Variants in FRAS1 observed in about 807,000 individuals in gnomAD.
FRAS1 encodes the protein Fraser extracellular matrix complex subunit 1, also known as extracellular matrix organizing protein FRAS1.
In FRAS1, 290 loss-of-function variants were observed where a neutral mutation model predicts 435.2. The ratio of observed to expected loss-of-function variants is 0.67; its 90% CI spans 0.61 to 0.73. The LOEUF (loss-of-function observed/expected upper bound fraction) is 0.73. FRAS1 is among the 30% of genes least tolerant of loss of function. The pLI is 0.00. For synonymous variants in FRAS1, 1,800 were observed against 1,851.0 expected (o/e 0.97, Z 0.71); for missense variants, 4,860 against 5,001.5 (o/e 0.97, Z 0.85).
At chr4:78,324,837 G>C (rs1167893130) in intron 18 of FRAS1, among the ~76,000 whole-genome samples, 2 of 150,696 alleles carry the variant, frequency 1.3e-5, no homozygotes, top group African/African-American at 4.9e-5. Flanking sequence ...ACTGGGACTG[G>C]ATATGAACAT....
intron 2 of FRAS1, among the ~76,000 whole-genome samples, chr4:78,095,215 G>C (rs111791278): frequency 5.6e-4 from 85 of 152,332 alleles, no homozygotes; most frequent in Middle Eastern, 3.4e-3. Context: ...ACAGTAGCTA[G>C]ATCCTGGTTG....
chr4:78,511,350 T>TGG lies in FRAS1; in HGVS notation c.9860_9861dup (p.Thr3288GlyfsTer4). The TGG allele has an allele frequency of 6.2e-7, 1 of 1,613,824 alleles. No homozygotes were observed. The highest frequency in any genetic ancestry group is 8.5e-7 in the Non-Finnish European group (1 of 1,179,776). Reference sequence around the variant, plus strand: ...AAGGCTGTGGACAAGGTGGGCCATGTGGGGACCCCCTTAAGGAGCAACATT... The same window carrying TGG: ...AAGGCTGTGGACAAGGTGGGCCATGTGGGGGGACCCCCTTAAGGAGCAACATT... On this transcript the variant is annotated frameshift_variant, in exon 64 of 74. Transcript: ENST00000512123. LOFTEE classifies it high-confidence loss of function.
chr4:78,276,683 C>T (rs1727057377), intron 9 of FRAS1, among the ~76,000 whole-genome samples: 1 of 152,198 alleles, frequency 6.6e-6, no homozygotes, highest in Admixed American at 6.5e-5. Flanking sequence ...GAAGCTTTGT[C>T]TCAGAGGGGC....
chr4:78,333,130 A>T, intron 18 of FRAS1, 142 bp from the exon 19 acceptor site: 1 of 859,718 alleles, frequency 1.2e-6, no homozygotes, highest in Non-Finnish European at 1.7e-6. Flanking sequence ...GAAGTGTGTG[A>T]GATGTGCAGC....
At chr4:78,121,256 A>T (rs527751678) in intron 2 of FRAS1, among the ~76,000 whole-genome samples, 2 of 152,348 alleles carry the variant, frequency 1.3e-5, no homozygotes, top group South Asian at 4.1e-4. Context: ...CCTGCTCAAT[A>T]GCATAGGCTA....
Position 78,445,506 on chromosome 4 carries a change from C to G in FRAS1, c.5666-16C>G. 6.5e-7 allele frequency: 1 copy of G among 1,538,240 alleles called. No individual in the cohort carries two copies. Among genetic ancestry groups the G allele is most frequent in the Non-Finnish European group, 8.8e-7 (1 of 1,139,428 alleles). On this transcript the variant is annotated splice_polypyrimidine_tract_variant and intron_variant, in intron 41 of 73. Coordinates refer to ENST00000512123, the MANE Select transcript of FRAS1 (RefSeq NM_025074.7). ...TGATAGATCAAGGTAAAAATGCTCT[C>G]TTGATGTTGATGCAGGTGATCGTTT...
chr4:78,179,572 A>T (rs896520891), intron 2 of FRAS1, among the ~76,000 whole-genome samples: 1 of 152,206 alleles, frequency 6.6e-6, no homozygotes, highest in African/African-American at 2.4e-5. Context: ...ATCTCTATAA[A>T]CTTTGAATGT....
intron 26 of FRAS1, among the ~76,000 whole-genome samples, chr4:78,378,567 G>C (rs1457671053): frequency 6.6e-6 from 1 of 152,028 alleles, no homozygotes; most frequent in South Asian, 2.1e-4. Flanking sequence ...ATTTCTCCAC[G>C]ACCTAACAAT....
At chr4:78,538,390 T>C (rs891321706) in intron 72 of FRAS1, among the ~76,000 whole-genome samples, 2 of 152,164 alleles carry the variant, frequency 1.3e-5, no homozygotes, top group Non-Finnish European at 2.9e-5. Context: ...GGCTAGAATA[T>C]CCCACTTTTT....
At chr4:78,446,682 T>C (rs1718841039) in intron 42 of FRAS1, 45 bp from the exon 43 acceptor site, 2 of 1,580,140 alleles carry the variant, frequency 1.3e-6, no homozygotes, top group Admixed American at 2.0e-5. Flanking sequence ...ATTTTCTTTC[T>C]TCTTAAATAT....
At chr4:78,344,020 AC>A (rs1730503628) in intron 20 of FRAS1, among the ~76,000 whole-genome samples, 1 of 151,270 alleles carries the variant, frequency 6.6e-6, no homozygotes, top group Non-Finnish European at 1.5e-5. Context: ...ACCAAATCCT[AC>A]CCATCCATCC....
At chr4:78,206,932 T>C (rs780518397) in intron 2 of FRAS1, among the ~76,000 whole-genome samples, 1 of 152,214 alleles carries the variant, frequency 6.6e-6, no homozygotes, top group Non-Finnish European at 1.5e-5. Context: ...CCACAGGTGA[T>C]TGTGACCTTT....
Position 78,318,822 on chromosome 4 carries a change from C to G in FRAS1, c.1973C>G (p.Ser658Cys), listed in dbSNP as rs755831054. The change falls in exon 18 of 74, where the codon TCC becomes TGC. Residue 658 changes from serine (S) to cysteine (C), a missense_variant. By Grantham distance (112) the Ser-to-Cys change is moderately radical (BLOSUM62 -1). Coordinates refer to ENST00000512123, the MANE Select transcript of FRAS1 (RefSeq NM_025074.7). ...TTTCCATTTGCAGCCTGTCACTCCT[C>G]CTGCCTGGCTTGTATGGGTCCCGCA... ...DHGVCKACHS[S>C]CLACMGPAPS... The G allele has an allele frequency of 6.4e-7, 1 of 1,569,858 alleles. No individual in the cohort carries two copies. The highest frequency in any genetic ancestry group is 2.3e-5 in the East Asian group (1 of 43,986).
chr4:78,540,991 A>C lies in FRAS1; in HGVS notation c.11906A>C (p.His3969Pro). The C allele has an allele frequency of 1.2e-6, 2 of 1,605,322 alleles. No homozygotes were observed. The highest frequency in any genetic ancestry group is 1.7e-6 in the Non-Finnish European group (2 of 1,174,472). The change falls in exon 74 of 74, where the codon CAC becomes CCC. Residue 3969 changes from histidine to proline, a missense_variant. Coordinates refer to ENST00000512123, the MANE Select transcript of FRAS1 (RefSeq NM_025074.7). ...PDRVEKNVNRHYCTVRNVNIL... is the reference protein window; with the variant it reads ...PDRVEKNVNRPYCTVRNVNIL... ...CGGGTGGAGAAGAACGTGAATAGAC[A>C]CTACTGCACTGTGCGGAACGTCAAC... is the stretch of plus-strand genomic sequence containing the variant.
intron 2 of FRAS1, among the ~76,000 whole-genome samples, chr4:78,111,944 G>C (rs1320307761): frequency 6.6e-6 from 1 of 152,094 alleles, no homozygotes; most frequent in Admixed American, 6.6e-5. Context: ...GTTTTCAAGA[G>C]GTAGGCAAAG....
intron 47 of FRAS1, 40 bp downstream of exon 47, chr4:78,452,394 G>A: frequency 4.6e-6 from 7 of 1,506,486 alleles, no homozygotes; most frequent in Non-Finnish European, 6.3e-6. Context: ...TCAAAACTTA[G>A]ACCTTAGTAA....
rs961760123 is a variant in FRAS1, at chr4:78,542,340, G to C, written c.*1216G>C. The C allele has an allele frequency of 2.0e-5, 3 of 152,220 alleles. No homozygotes were observed. The highest frequency in any genetic ancestry group is 1.9e-4 in the East Asian group (1 of 5,198). 9.4% of individuals were successfully genotyped at this position (152,220 alleles called of 1,614,324 possible). A position where few individuals can be genotyped will look rare whatever the true frequency, so the allele number is the denominator to read the frequency against. ...GGCTCTAAAATAATTTAGTGTTCAA[G>C]TATCAGCTTAACTATTTTGTGTAGG... is the stretch of plus-strand genomic sequence containing the variant. On this transcript the variant is annotated 3_prime_UTR_variant, in exon 74 of 74. Transcript: ENST00000512123.
chr4:78,438,625 A>G lies in FRAS1; in HGVS notation c.5273A>G (p.Tyr1758Cys), dbSNP rs750194036. ...IWIQLNYLPSYGTLLRISGSE... is the reference protein window; with the variant it reads ...IWIQLNYLPSCGTLLRISGSE... ...ATTCAGTTAAATTATCTGCCCTCAT[A>G]TGGTACTCTCTTAAGAATCTCAGGA... Residue 1758 changes from tyrosine (Y) to cysteine (C), a missense_variant, in exon 39 of 74, where the codon TAT becomes TGT. Transcript: ENST00000512123. 14 of 1,613,788 alleles carry G rather than the reference A, an allele frequency of 8.7e-6. No individual in the cohort carries two copies. The highest frequency in any genetic ancestry group is 1.1e-5 in the South Asian group (1 of 91,060).
At chr4:78,230,445 T>C (rs1724470492) in intron 2 of FRAS1, among the ~76,000 whole-genome samples, 1 of 152,162 alleles carries the variant, frequency 6.6e-6, no homozygotes, top group Non-Finnish European at 1.5e-5. Context: ...AACTTTAAAT[T>C]GAGAACCAAT....
Sources: allele counts gnomAD v4.1 joint callset (sites outside exome capture counted in the v4.1 genomes callset), GRCh38; gene constraint gnomAD v4.1.1; transcripts MANE v1.5; gene names NCBI Gene and HGNC (gene_info 2026-07-23, HGNC 2026-07-21).